The following COL4A5 variants were observed in gnomAD, a reference collection of about 807,000 sequenced individuals.
The protein encoded by COL4A5 is collagen type IV alpha 5 chain.
COL4A5 carries 26 observed loss-of-function variants against 130.2 expected under a neutral mutation model. The observed-to-expected ratio is 0.20, with a 90% confidence interval of 0.15 to 0.28. COL4A5 has a LOEUF of 0.28. Among genes scored for constraint, COL4A5 ranks in the 10% least tolerant of loss-of-function variants. COL4A5 has a pLI of 1.00. For synonymous variants in COL4A5, 496 were observed against 439.6 expected (o/e 1.13, Z -1.60); for missense variants, 1,131 against 1,344.3 (o/e 0.84, Z 2.48).
intron 16 of COL4A5, among the ~76,000 whole-genome samples, chrX:108,582,287 G>A (rs760952567): frequency 2.5e-4 from 28 of 111,214 alleles, no homozygotes; most frequent in Admixed American, 1.1e-3. Flanking sequence ...AGGCAGCTGT[G>A]ATATTCAACA....
intron 48 of COL4A5, 32 bp from the exon 49 acceptor site, chrX:108,687,450 A>C (rs1329375937): frequency 1.1e-5 from 13 of 1,140,739 alleles, no homozygotes; most frequent in Non-Finnish European, 1.6e-5. Context: ...GAGCTTACTT[A>C]ATCTTGTATA....
chrX:108,550,195 A>T (rs906039925), intron 2 of COL4A5, among the ~76,000 whole-genome samples: 2 of 111,528 alleles, frequency 1.8e-5, no homozygotes, highest in African/African-American at 6.5e-5. Flanking sequence ...CAAAGCCCTG[A>T]TACCAAAACC....
At chrX:108,675,392 A>G (rs2068285339) in intron 43 of COL4A5, among the ~76,000 whole-genome samples, 1 of 110,951 alleles carries the variant, frequency 9.0e-6, no homozygotes, top group South Asian at 3.8e-4. Context: ...TTCCCATCTT[A>G]CTTTGTTATT....
intron 3 of COL4A5, among the ~76,000 whole-genome samples, chrX:108,562,008 G>A (rs2065905764): frequency 8.9e-6 from 1 of 112,169 alleles, no homozygotes; most frequent in African/African-American, 3.2e-5. Flanking sequence ...CACATCAAGA[G>A]CAAGAGCAAC....
At chrX:108,601,262 TTTC>T in intron 25 of COL4A5, 128 bp from the exon 26 acceptor site, 1 of 493,740 alleles carries the variant, frequency 2.0e-6, no homozygotes, top group East Asian at 3.7e-5. Flanking sequence ...GAAGATTGTT[TTTC>T]TTGTGAATTT....
At chrX:108,680,799 G>T (rs367890348) in intron 45 of COL4A5, 48 bp downstream of exon 45, 21 of 1,183,188 alleles carry the variant, frequency 1.8e-5, no homozygotes, top group Non-Finnish European at 2.3e-5. Flanking sequence ...AACTCCTCTG[G>T]GACAAGATAG....
chrX:108,507,656 A>G (rs1184393846), intron 1 of COL4A5, among the ~76,000 whole-genome samples: 1 of 110,751 alleles, frequency 9.0e-6, no homozygotes, highest in Non-Finnish European at 1.9e-5. Context: ...AAAATACAAA[A>G]CATTAGCTGG....
chrX:108,528,202 A>G (rs1248114117), intron 1 of COL4A5, among the ~76,000 whole-genome samples: 1 of 111,983 alleles, frequency 8.9e-6, no homozygotes, highest in African/African-American at 3.2e-5. Context: ...CCCCAGCACA[A>G]CTTCACCACA....
chrX:108,688,585 C>T (rs925911379), intron 49 of COL4A5, among the ~76,000 whole-genome samples: 4 of 110,948 alleles, frequency 3.6e-5, no homozygotes, highest in Non-Finnish European at 7.6e-5. Flanking sequence ...TACAGGCGCC[C>T]GCCAGCATGC....
chrX:108,657,896 A>G (rs775407918), intron 37 of COL4A5, among the ~76,000 whole-genome samples: 1 of 111,380 alleles, frequency 9.0e-6, no homozygotes, highest in African/African-American at 3.2e-5. Context: ...TTTATAAAAT[A>G]TCACCTTAGA....
chrX:108,496,069 T>C (rs1003685917), intron 1 of COL4A5, among the ~76,000 whole-genome samples: 2 of 112,302 alleles, frequency 1.8e-5, no homozygotes, highest in Non-Finnish European at 3.8e-5. Flanking sequence ...GGATTTGCCT[T>C]CCCTGCTTTG....
At chrX:108,552,203 A>G (rs776800562) in intron 2 of COL4A5, among the ~76,000 whole-genome samples, 3 of 111,521 alleles carry the variant, frequency 2.7e-5, no homozygotes, top group Non-Finnish European at 5.7e-5. Context: ...CGAACCTAAA[A>G]GTAGGTAAAA....
At chrX:108,472,851 T>C (rs921680566) in intron 1 of COL4A5, among the ~76,000 whole-genome samples, 4 of 111,872 alleles carry the variant, frequency 3.6e-5, no homozygotes. Context: ...CGCCATACTG[T>C]TTTCCAAAAT....
In COL4A5 at chrX:108,439,955, C is replaced by T; in HGVS notation, c.-171C>T. 1 of 448,375 alleles carries T rather than the reference C, an allele frequency of 2.2e-6. No homozygotes were observed. Among genetic ancestry groups the T allele is most frequent in the Admixed American group, 3.7e-5 (1 of 26,760 alleles). 37.0% of individuals were successfully genotyped at this position (448,375 alleles called of 1,213,427 possible). On this transcript the variant is annotated 5_prime_UTR_variant, in exon 1 of 53. Transcript: ENST00000328300. ...GAAGGAAGAGTAGCTCCTTCTTCTT[C>T]TTCTTTTTTTTTTCTTCCACTCTTA...
At chrX:108,499,510 C>T (rs1176253146) in intron 1 of COL4A5, among the ~76,000 whole-genome samples, 1 of 111,024 alleles carries the variant, frequency 9.0e-6, no homozygotes, top group Non-Finnish European at 1.9e-5. Flanking sequence ...CTTCCTCTTC[C>T]TTCATTTTCC....
intron 1 of COL4A5, among the ~76,000 whole-genome samples, chrX:108,519,056 T>G (rs766063013): frequency 7.1e-4 from 79 of 111,651 alleles, no homozygotes; most frequent in Non-Finnish European, 1.0e-3. Flanking sequence ...GATTAATTTC[T>G]AATACCTCTT....
intron 41 of COL4A5, among the ~76,000 whole-genome samples, chrX:108,669,620 C>G (rs1038353412): frequency 4.5e-5 from 5 of 112,029 alleles, no homozygotes; most frequent in African/African-American, 1.6e-4. Flanking sequence ...AGAACTGAAG[C>G]AAGTATCTTG....
chrX:108,582,684 C>A (rs2066270165), intron 16 of COL4A5, 200 bp from the exon 17 acceptor site: 1 of 398,934 alleles, frequency 2.5e-6, no homozygotes, highest in Non-Finnish European at 4.2e-6. Context: ...TGAGTTCTCA[C>A]CAAGATTCAG....
chrX:108,505,276 G>A (rs1486727681), intron 1 of COL4A5, among the ~76,000 whole-genome samples: 1 of 109,327 alleles, frequency 9.1e-6, no homozygotes, highest in Non-Finnish European at 1.9e-5. Flanking sequence ...TACATACTCA[G>A]TACAGTGTAC....
Sources: allele counts gnomAD v4.1 joint callset (sites outside exome capture counted in the v4.1 genomes callset), GRCh38; gene constraint gnomAD v4.1.1; transcripts MANE v1.5; gene names NCBI Gene and HGNC (gene_info 2026-07-23, HGNC 2026-07-21).